CAV1: variants seen among roughly 807,000 people sequenced by gnomAD.
The protein encoded by CAV1 is caveolin-1.
Under a neutral mutation model 16.5 loss-of-function variants are expected in CAV1, and 10 were observed. The observed-to-expected ratio is 0.61, with a 90% CI of 0.37 to 1.03. The LOEUF (loss-of-function observed/expected upper bound fraction) is 1.03, where lower values mean the gene tolerates loss of function less well. CAV1 is among the 50% of genes least tolerant of loss of function. The probability of loss-of-function intolerance (pLI) is 0.01; values close to 1 mark genes in which losing one functional copy is unlikely to be tolerated. For missense variants in CAV1, 212 were observed against 232.8 expected (o/e 0.91, Z 0.58); for synonymous variants, 76 against 85.1 (o/e 0.89, Z 0.59).
At chr7:116,529,435 G>A (rs1224257282) in intron 2 of CAV1, among the ~76,000 whole-genome samples, 7 of 152,286 alleles carry the variant, frequency 4.6e-5, no homozygotes, top group South Asian at 2.1e-4. Flanking sequence ...CACTAGCCAC[G>A]TTGTGAGTGT....
chr7:116,558,861 G>A, intron 2 of CAV1, 85 bp from the exon 3 acceptor site: 1 of 995,364 alleles, frequency 1.0e-6, no homozygotes, highest in Non-Finnish European at 1.6e-6. Flanking sequence ...TGCTAATACA[G>A]TATATGTCTA....
At chr7:116,536,311 G>A (rs1793813527) in intron 2 of CAV1, among the ~76,000 whole-genome samples, 1 of 152,130 alleles carries the variant, frequency 6.6e-6, no homozygotes, top group Non-Finnish European at 1.5e-5. Flanking sequence ...GTGCTTCCAT[G>A]TGTGATGACC....
intron 2 of CAV1, among the ~76,000 whole-genome samples, chr7:116,534,590 CA>C (rs1369828775): frequency 6.7e-6 from 1 of 150,360 alleles, no homozygotes; most frequent in African/African-American, 2.4e-5. Flanking sequence ...TTAGTAGAGA[CA>C]GGGTGTCACC....
At chr7:116,535,992 ACTT>A (rs1793805151) in intron 2 of CAV1, among the ~76,000 whole-genome samples, 2 of 152,166 alleles carry the variant, frequency 1.3e-5, no homozygotes, top group South Asian at 4.1e-4. Context: ...CAGTGTATAA[ACTT>A]CTCCTGATCC....
At chr7:116,545,027 A>G (rs1794012513) in intron 2 of CAV1, among the ~76,000 whole-genome samples, 1 of 152,234 alleles carries the variant, frequency 6.6e-6, no homozygotes, top group African/African-American at 2.4e-5. Context: ...CAGTACAGCA[A>G]GGCAAAAGTG....
chr7:116,527,631 A>T (rs1481830630), intron 2 of CAV1, among the ~76,000 whole-genome samples: 1 of 152,202 alleles, frequency 6.6e-6, no homozygotes, highest in African/African-American at 2.4e-5. Flanking sequence ...CATGGGCTAG[A>T]GCCATCCTTG....
chr7:116,547,232 G>A (rs1794069548), intron 2 of CAV1, among the ~76,000 whole-genome samples: 1 of 152,162 alleles, frequency 6.6e-6, no homozygotes, highest in Non-Finnish European at 1.5e-5. Context: ...AGAGCTTGTT[G>A]AAGGGGGCAC....
intron 2 of CAV1, among the ~76,000 whole-genome samples, chr7:116,556,866 G>A (rs1055053555): frequency 5.3e-5 from 8 of 152,174 alleles, no homozygotes; most frequent in Non-Finnish European, 1.2e-4. Flanking sequence ...ACCTGCTGTA[G>A]TATTTTAATT....
chr7:116,535,504 G>A (rs139880077), intron 2 of CAV1, among the ~76,000 whole-genome samples: 126 of 152,292 alleles, frequency 8.3e-4, no homozygotes, highest in African/African-American at 2.9e-3. Context: ...AGATGTAAAT[G>A]TTTAAAATAG....
chr7:116,536,155 A>G (rs1584773161), intron 2 of CAV1, among the ~76,000 whole-genome samples: 1 of 152,162 alleles, frequency 6.6e-6, no homozygotes, highest in South Asian at 2.1e-4. Flanking sequence ...AAGCAGTGAG[A>G]AAGTAGGAGA....
intron 2 of CAV1, among the ~76,000 whole-genome samples, chr7:116,535,342 T>A (rs917611079): frequency 2.0e-5 from 3 of 152,224 alleles, no homozygotes; most frequent in African/African-American, 7.2e-5. Flanking sequence ...ACTCGTCTGC[T>A]GTCTTTTATC....
Position 116,526,524 on chromosome 7 carries a change from G to T in CAV1, c.31-1G>T, listed in dbSNP as rs748257759. The T allele has an allele frequency of 6.2e-7, 1 of 1,613,950 alleles. No individual in the cohort carries two copies. Among genetic ancestry groups the T allele is most frequent in the Admixed American group, 1.7e-5 (1 of 60,028 alleles). On this transcript the variant is annotated splice_acceptor_variant, in intron 1 of 2. Transcript: ENST00000341049. LOFTEE classifies it high-confidence loss of function. ...GGCCGTCCGCCCTCCGCCCTCTGCA[G>T]GGACATCTCTACACCGTTCCCATCC...
At chr7:116,554,873 C>T (rs982819402) in intron 2 of CAV1, among the ~76,000 whole-genome samples, 2 of 152,110 alleles carry the variant, frequency 1.3e-5, no homozygotes, top group South Asian at 2.1e-4. Flanking sequence ...ATTGTAAAGG[C>T]TTGTGATCTC....
intron 2 of CAV1, among the ~76,000 whole-genome samples, chr7:116,555,584 GAA>G (rs1237386209): frequency 2.8e-4 from 20 of 71,234 alleles, no homozygotes; most frequent in African/African-American, 4.6e-4. Flanking sequence ...AAGAAAGAAA[GAA>G]AGAAAGAAAG....
chr7:116,553,954 T>C (rs2116079382), intron 2 of CAV1, among the ~76,000 whole-genome samples: 1 of 152,284 alleles, frequency 6.6e-6, no homozygotes, highest in East Asian at 1.9e-4. Flanking sequence ...ATCAAGGATG[T>C]GTGATGACAG....
intron 1 of CAV1, chr7:116,525,699 G>A (rs1793542490): frequency 2.8e-6 from 3 of 1,083,520 alleles, no homozygotes; most frequent in African/African-American, 1.7e-5. Context: ...CCACGCGCTG[G>A]AGCTCTGCCC....
At chr7:116,537,264 GC>G (rs1455325462) in intron 2 of CAV1, among the ~76,000 whole-genome samples, 1 of 152,020 alleles carries the variant, frequency 6.6e-6, no homozygotes, top group African/African-American at 2.4e-5. Flanking sequence ...GCTGCATCCT[GC>G]GCTTGTCAGA....
At chr7:116,534,492 C>T (rs549020872) in intron 2 of CAV1, among the ~76,000 whole-genome samples, 103 of 143,894 alleles carry the variant, frequency 7.2e-4, no homozygotes, top group African/African-American at 2.5e-3. Context: ...CTCCGTCTCC[C>T]GGGTTCACGC....
At chr7:116,548,927 A>C (rs937624569) in intron 2 of CAV1, among the ~76,000 whole-genome samples, 1 of 152,190 alleles carries the variant, frequency 6.6e-6, no homozygotes, top group Non-Finnish European at 1.5e-5. Context: ...TATATCTGCC[A>C]CACCAATGCC....
Sources: gnomAD v4.1 joint callset for allele counts (sites outside exome capture counted in the v4.1 genomes callset) on GRCh38, gnomAD v4.1.1 for gene constraint, MANE v1.5 for transcripts, NCBI Gene and HGNC (gene_info 2026-07-23, HGNC 2026-07-21) for gene names.